Variants in DHX40 observed in about 807,000 individuals in gnomAD.
DHX40 encodes the protein DEAH-box helicase 40, also known as probable ATP-dependent RNA helicase DHX40.
In DHX40, 28 loss-of-function variants were observed where a neutral mutation model predicts 89.6. That is an observed-to-expected ratio of 0.31 (90% CI 0.23 to 0.43). DHX40 has a LOEUF of 0.43. Ranked by LOEUF, DHX40 falls within the 20% of genes least tolerant of loss-of-function variation. The pLI, the probability that DHX40 is intolerant of heterozygous loss-of-function variation, is 1.00. For missense variants in DHX40, 457 were observed against 844.0 expected, an observed-to-expected ratio of 0.54 and a Z score of 5.68; for synonymous variants, 226 against 283.6, an observed-to-expected ratio of 0.80 and a Z score of 2.04.
rs908263934 is a variant in DHX40, at chr17:59,602,697, T to C, written c.1901+81T>C. The C allele has an allele frequency of 6.0e-6, 7 of 1,173,366 alleles. No individual in the cohort carries two copies. The African/African-American group carries it at 9.3e-5, about 16-fold the overall frequency. The allele number at this position is 1,173,366 out of a possible 1,614,324, so 72.7% of individuals were successfully genotyped here. A position where few individuals can be genotyped will look rare whatever the true frequency, so the allele number is the denominator to read the frequency against. On this transcript the variant is annotated intron_variant, in intron 15 of 17. Transcript: ENST00000251241. ...ATATTGGACTATTTAATATTAAACA[T>C]TGAAGATTTGATTTAAGCTCTGTGA...
intron 10 of DHX40, among the ~76,000 whole-genome samples, chr17:59,585,760 T>A (rs1377583415): frequency 7.2e-6 from 1 of 139,060 alleles, no homozygotes; most frequent in African/African-American, 3.1e-5. Flanking sequence ...GAACAATTTA[T>A]AATTTTCAGT....
rs774808778 is a variant in DHX40, at chr17:59,577,191, A to T, written c.974-75A>T. The T allele has an allele frequency of 6.5e-5, 82 of 1,269,868 alleles. 1 individual carries two copies. The highest frequency in any genetic ancestry group is 1.8e-4 in the Middle Eastern group (1 of 5,496). 78.7% of individuals were successfully genotyped at this position (1,269,868 alleles called of 1,614,324 possible). On this transcript the variant is annotated intron_variant, in intron 7 of 17. Transcript: ENST00000251241. ...GCCTAGAAACATGACTTGTAATGAA[A>T]AATTAAGTTCTTCAAAACTCGAGTT...
chr17:59,605,045 G>C (rs141096462), intron 15 of DHX40, 70 bp from the exon 16 acceptor site: 1 of 1,283,628 alleles, frequency 7.8e-7, no homozygotes, highest in Non-Finnish European at 1.1e-6. Flanking sequence ...GTTCATTGCT[G>C]AATGTAATGC....
chr17:59,587,080 G>T (rs2049008839), intron 11 of DHX40, among the ~76,000 whole-genome samples: 3 of 151,466 alleles, frequency 2.0e-5, no homozygotes. Flanking sequence ...CTGAGCTTCG[G>T]AGGTGAGGGG....
At chr17:59,573,461 C>G (rs1262177542) in intron 4 of DHX40, among the ~76,000 whole-genome samples, 3 of 152,134 alleles carry the variant, frequency 2.0e-5, no homozygotes, top group African/African-American at 7.2e-5. Context: ...TCCTGAGTTG[C>G]TGGTACTGCA....
In DHX40 at chr17:59,565,659, C is replaced by CG. The variant is rs2048692926; in HGVS notation, c.-9dup. 1 of 1,596,006 alleles carries CG rather than the reference C, an allele frequency of 6.3e-7. No individual in the cohort carries two copies. Among genetic ancestry groups the CG allele is most frequent in the African/African-American group, 1.3e-5 (1 of 74,806 alleles). The stretch of plus-strand genomic sequence containing the variant: ...ATCGGTGGACGTGCTCGCCTCCACT[C>CG]GGGGCCAGGTCTATGTCCCGGTTTC... On this transcript the variant is annotated 5_prime_UTR_variant, in exon 1 of 18. Transcript: ENST00000251241.
intron 12 of DHX40, among the ~76,000 whole-genome samples, chr17:59,596,091 A>G (rs2030038612): frequency 6.6e-6 from 1 of 152,110 alleles, no homozygotes; most frequent in Non-Finnish European, 1.5e-5. Context: ...GCATGCAAAC[A>G]CAGACTGCAT....
rs1387247200 is a variant in DHX40 at position 59,586,228 on chromosome 17, T to C, written c.1419T>C (p.Ile473=). ...ALKQLYQCDA[I]DRSGHVTRLG... ...AACAACTTTACCAGTGTGATGCTATTGACAGGTAAAAAAAAAAAAAAAAAA... is the reference window on the plus strand; with the variant it reads ...AACAACTTTACCAGTGTGATGCTATCGACAGGTAAAAAAAAAAAAAAAAAA... Residue 473 remains isoleucine, a synonymous_variant, in exon 11 of 18, where the codon ATT becomes ATC. Transcript: ENST00000251241. 6.6e-7 allele frequency: 1 copy of C among 1,509,728 alleles called. No individual in the cohort carries two copies. Among genetic ancestry groups the C allele is most frequent in the Non-Finnish European group, 8.8e-7 (1 of 1,139,342 alleles). The allele number at this position is 1,509,728 out of a possible 1,614,324, so 93.5% of individuals were successfully genotyped here.
intron 12 of DHX40, among the ~76,000 whole-genome samples, chr17:59,591,842 A>G (rs1160273212): frequency 6.6e-6 from 1 of 151,742 alleles, no homozygotes; most frequent in African/African-American, 2.4e-5. Flanking sequence ...CTCTCATTTA[A>G]CCATAGTACA....
At chr17:59,570,300 TTA>T (rs889411780) in intron 2 of DHX40, among the ~76,000 whole-genome samples, 59 of 136,142 alleles carry the variant, frequency 4.3e-4, no homozygotes, top group African/African-American at 1.4e-3. Context: ...TATTTATATA[TTA>T]TATATATAAT....
intron 14 of DHX40, among the ~76,000 whole-genome samples, chr17:59,601,500 A>G (rs1001440467): frequency 3.3e-5 from 5 of 151,596 alleles, no homozygotes; most frequent in African/African-American, 1.2e-4. Context: ...CAGGTGTTGT[A>G]TTTTCATCTC....
At chr17:59,602,824 G>A (rs1001386112) in intron 15 of DHX40, among the ~76,000 whole-genome samples, 2 of 152,134 alleles carry the variant, frequency 1.3e-5, no homozygotes, top group Non-Finnish European at 2.9e-5. Context: ...GGTAGGAGGG[G>A]TATGTTTGTA....
chr17:59,601,861 T>C (rs904009601), intron 14 of DHX40, among the ~76,000 whole-genome samples: 1 of 152,210 alleles, frequency 6.6e-6, no homozygotes, highest in Non-Finnish European at 1.5e-5. Context: ...GGGCTAGTTA[T>C]TCCCCTCTAC....
chr17:59,594,755 AC>A (rs2029913159), intron 12 of DHX40, among the ~76,000 whole-genome samples: 1 of 152,052 alleles, frequency 6.6e-6, no homozygotes, highest in Admixed American at 6.6e-5. Context: ...GATCTTCCCT[AC>A]CGAGTAGCAT....
intron 1 of DHX40, among the ~76,000 whole-genome samples, chr17:59,565,997 G>A (rs893562890): frequency 1.3e-5 from 2 of 152,042 alleles, no homozygotes; most frequent in African/African-American, 4.8e-5. Flanking sequence ...AAACCTTACT[G>A]GGGGGCGAAA....
chr17:59,600,198 C>G (rs1476448560), intron 14 of DHX40, among the ~76,000 whole-genome samples: 1 of 152,122 alleles, frequency 6.6e-6, no homozygotes, highest in Non-Finnish European at 1.5e-5. Context: ...CACTAATCTG[C>G]TTTCTGTCAT....
intron 15 of DHX40, 131 bp downstream of exon 15, chr17:59,602,747 C>T (rs898181094): frequency 2.0e-5 from 16 of 788,880 alleles, no homozygotes; most frequent in African/African-American, 1.2e-4. Flanking sequence ...ATTACAGTGA[C>T]GAGGGAGAGC....
rs188442719 is a variant in DHX40, at chr17:59,605,327, G to T, written c.1972-119G>T. On this transcript the variant is annotated intron_variant, in intron 16 of 17. Transcript: ENST00000251241. Reference sequence around the variant, plus strand: ...GATCTATAAGGGTATTGGTTGGCCTGTGCCTCCTGTTTGAAGAAGATAGGA... The same window carrying T: ...GATCTATAAGGGTATTGGTTGGCCTTTGCCTCCTGTTTGAAGAAGATAGGA... 2.1e-5 allele frequency: 27 copies of T among 1,301,440 alleles called. No homozygotes were observed. In the East Asian group the frequency reaches 6.0e-4, roughly 29 times the overall value. 80.6% of individuals were successfully genotyped at this position (1,301,440 alleles called of 1,614,324 possible).
intron 14 of DHX40, among the ~76,000 whole-genome samples, chr17:59,600,334 G>C (rs930275211): frequency 6.9e-6 from 1 of 145,410 alleles, no homozygotes; most frequent in Non-Finnish European, 1.5e-5. Flanking sequence ...ACTGATGAGA[G>C]AAAAAAAAAA....
Sources: allele counts gnomAD v4.1 joint callset (sites outside exome capture counted in the v4.1 genomes callset), GRCh38; gene constraint gnomAD v4.1.1; transcripts MANE v1.5; gene names NCBI Gene and HGNC (gene_info 2026-07-23, HGNC 2026-07-21).